The following ZNF75D variants were observed in gnomAD, a reference collection of about 807,000 sequenced individuals.
The protein encoded by ZNF75D is zinc finger protein 75.
A neutral mutation model predicts 33.3 loss-of-function variants in ZNF75D; 33 were observed. The ratio of observed to expected loss-of-function variants is 0.99; its 90% CI spans 0.75 to 1.32. The LOEUF is 1.32. ZNF75D is among the 40% of genes most tolerant of loss of function. The pLI is 0.00. For synonymous variants in ZNF75D, 113 were observed against 130.6 expected (o/e 0.87, Z 0.92); for missense variants, 338 against 367.5 (o/e 0.92, Z 0.66).
At chrX:135,333,329 C>T (rs1187888638) in intron 1 of ZNF75D, among the ~76,000 whole-genome samples, 1 of 111,784 alleles carries the variant, frequency 8.9e-6, no homozygotes, top group Non-Finnish European at 1.9e-5. Context: ...AATACATATG[C>T]CTGCTGCCTC....
chrX:135,276,486 ATTTC>A (rs2083899662), intron 1 of ZNF75D, among the ~76,000 whole-genome samples: 2 of 111,196 alleles, frequency 1.8e-5, no homozygotes, highest in Non-Finnish European at 3.8e-5. Context: ...GATTAGTTAT[ATTTC>A]TTTCTTTTTT....
chrX:135,248,967 A>G (rs1166376819), exon 4 of ZNF75D: 1 of 317,849 alleles, frequency 3.1e-6, no homozygotes, highest in Admixed American at 3.2e-5. Context: ...GGAAGGATTT[A>G]TTGATCCACA....
intron 1 of ZNF75D, chrX:135,327,880 C>A (rs2084601747): frequency 8.9e-6 from 1 of 112,156 alleles, no homozygotes; most frequent in Non-Finnish European, 1.9e-5. Flanking sequence ...CAGCTTTGGT[C>A]ATGACTGTAA....
intron 1 of ZNF75D, among the ~76,000 whole-genome samples, chrX:135,277,179 C>G (rs993774459): frequency 9.8e-5 from 11 of 112,170 alleles, no homozygotes; most frequent in Admixed American, 1.9e-4. Flanking sequence ...TTAATGGCTG[C>G]CATTCTAACT....
Position 135,278,500 on chromosome X carries a change from C to T in ZNF75D, n.828-22723G>A, listed in dbSNP as rs890061811. Among the ~76,000 whole-genome samples the T allele has an allele frequency of 5.4e-5, 6 of 111,414 alleles. No homozygotes were observed. The East Asian group carries it at 1.1e-3, about 21-fold the overall frequency. On this transcript the variant is annotated intron_variant and non_coding_transcript_variant, in intron 1 of 3. Coordinates refer to the ZNF75D transcript ENST00000494295. ...TTATTTCTTTCTCTTGCATGATTGCCGTGGCCAGAACTTCCAATACTATGT... is the reference window on the plus strand; with the variant it reads ...TTATTTCTTTCTCTTGCATGATTGCTGTGGCCAGAACTTCCAATACTATGT...
intron 1 of ZNF75D, among the ~76,000 whole-genome samples, chrX:135,308,052 C>A (rs1406620329): frequency 8.9e-6 from 1 of 112,473 alleles, no homozygotes; most frequent in Non-Finnish European, 1.9e-5. Flanking sequence ...AGGAAGGAGA[C>A]ATGTAGATGG....
intron 1 of ZNF75D, among the ~76,000 whole-genome samples, chrX:135,259,940 T>C (rs984290654): frequency 1.5e-4 from 17 of 112,054 alleles, no homozygotes; most frequent in Non-Finnish European, 2.8e-4. Flanking sequence ...TTGTCATAAA[T>C]AGCTCTTATT....
At position 135,291,534 on chromosome X, in the gene ZNF75D, A is replaced by G. The variant is rs782752858; in HGVS notation, c.634T>C (p.Ser212Pro). ...AVHDQQMLALSEQKRIKHWKM... is the reference protein window; with the variant it reads ...AVHDQQMLALPEQKRIKHWKM... The stretch of plus-strand genomic sequence containing the variant: ...CAGTGTTTGATTCTTTTCTGCTCAG[A>G]AAGGGCTAACATCTGTTGATCATGC... Residue 212 changes from serine (S) to proline (P), a missense_variant, in exon 5 of 7, where the codon TCT becomes CCT. Transcript: ENST00000370766. The G allele has an allele frequency of 5.8e-6, 7 of 1,209,818 alleles. No individual in the cohort carries two copies. In the Admixed American group the frequency reaches 1.1e-4, roughly 19 times the overall value.
intron 1 of ZNF75D, among the ~76,000 whole-genome samples, chrX:135,262,253 A>C (rs1556415667): frequency 3.6e-5 from 4 of 111,631 alleles, no homozygotes; most frequent in African/African-American, 1.3e-4. Flanking sequence ...ACCTTGGTTA[A>C]TCTGACAATT....
chrX:135,268,183 CCT>C (rs1456487842), intron 1 of ZNF75D, among the ~76,000 whole-genome samples: 3 of 98,570 alleles, frequency 3.0e-5, no homozygotes, highest in Non-Finnish European at 6.1e-5. Flanking sequence ...GAAAGCCTTT[CCT>C]CTAAAATCTG....
At chrX:135,260,924 G>C (rs1449522191) in intron 1 of ZNF75D, among the ~76,000 whole-genome samples, 1 of 112,070 alleles carries the variant, frequency 8.9e-6, no homozygotes, top group African/African-American at 3.2e-5. Context: ...GCTTTCTCCT[G>C]TGGGCATTTA....
At chrX:135,280,373 ATG>A (rs1569487135) in intron 1 of ZNF75D, among the ~76,000 whole-genome samples, 2 of 111,711 alleles carry the variant, frequency 1.8e-5, no homozygotes, top group Admixed American at 9.5e-5. Flanking sequence ...TCTTGAGCCT[ATG>A]TGTGTCTTTG....
At chrX:135,268,155 G>A in intron 1 of ZNF75D, among the ~76,000 whole-genome samples, 1 of 96,496 alleles carries the variant, frequency 1.0e-5, no homozygotes, top group Non-Finnish European at 2.1e-5. Context: ...CATCTAGTAT[G>A]CTGAATGGGG....
intron 1 of ZNF75D, among the ~76,000 whole-genome samples, chrX:135,341,433 C>G (rs1413203978): frequency 8.9e-6 from 1 of 112,072 alleles, no homozygotes; most frequent in African/African-American, 3.2e-5. Flanking sequence ...TCAGAGTTAA[C>G]AGTTTATGGT....
chrX:135,270,082 T>C (rs951434065), intron 1 of ZNF75D, among the ~76,000 whole-genome samples: 5 of 109,212 alleles, frequency 4.6e-5, no homozygotes, highest in Non-Finnish European at 9.5e-5. Context: ...AGAAGGATGG[T>C]TGCCAGAGGC....
Position 135,290,722 on chromosome X carries a change from T to C in ZNF75D, c.823+287A>G, listed in dbSNP as rs990905690. Among the ~76,000 whole-genome samples the C allele has an allele frequency of 5.3e-5, 6 of 112,752 alleles. 1 individual carries two copies. Among genetic ancestry groups the C allele is most frequent in the African/African-American group, 1.9e-4 (6 of 31,031 alleles). On this transcript the variant is annotated intron_variant, in intron 6 of 6. Transcript: ENST00000370766. ...TTTTTCTGTGGAATAATGCCATTGA[T>C]GTGCATGCTTTTATGTTTTTTAGAG...
At chrX:135,326,636 C>A (rs2084581256) in intron 1 of ZNF75D, among the ~76,000 whole-genome samples, 2 of 112,128 alleles carry the variant, frequency 1.8e-5, no homozygotes, top group Non-Finnish European at 3.8e-5. Context: ...AATCTTGCTA[C>A]TGCTCACTCT....
intron 1 of ZNF75D, among the ~76,000 whole-genome samples, chrX:135,267,167 A>G (rs2083866111): frequency 8.9e-6 from 1 of 111,918 alleles, no homozygotes; most frequent in Non-Finnish European, 1.9e-5. Flanking sequence ...AAAAGAAGAA[A>G]AACTTCAAAT....
chrX:135,277,402 G>C (rs1556417765), intron 1 of ZNF75D, among the ~76,000 whole-genome samples: 1 of 112,030 alleles, frequency 8.9e-6, no homozygotes, highest in African/African-American at 3.2e-5. Context: ...TTATCAGACG[G>C]ATAGATTGTA....
Sources: gnomAD v4.1 joint callset for allele counts (sites outside exome capture counted in the v4.1 genomes callset) on GRCh38, gnomAD v4.1.1 for gene constraint, MANE v1.5 for transcripts, NCBI Gene and HGNC (gene_info 2026-07-23, HGNC 2026-07-21) for gene names.